The following TRPM3 variants were observed in gnomAD, a reference collection of about 807,000 sequenced individuals.
TRPM3 encodes the protein long transient receptor potential channel 3.
Under a neutral mutation model 181.2 loss-of-function variants are expected in TRPM3, and 77 were observed. The observed-to-expected ratio is 0.42, with a 90% CI of 0.35 to 0.51. TRPM3 has a LOEUF of 0.51. TRPM3 is among the 20% of genes least tolerant of loss of function. TRPM3 has a pLI of 0.01. For missense variants in TRPM3, 1,759 were observed against 2,196.7 expected (o/e 0.80, Z 3.98); for synonymous variants, 745 against 796.4 (o/e 0.94, Z 1.09).
At chr9:71,344,917 T>C (rs1402844825) in intron 1 of TRPM3, among the ~76,000 whole-genome samples, 1 of 151,828 alleles carries the variant, frequency 6.6e-6, no homozygotes, top group Non-Finnish European at 1.5e-5. Context: ...TGGCAAAAGA[T>C]AAAAAGTGGG....
At position 71,015,919 on chromosome 9, in the gene TRPM3, G is replaced by A. The variant is rs190603630; in HGVS notation, c.177+105259C>T. 1.2e-3 allele frequency among the ~76,000 whole-genome samples: 176 copies of A among 151,978 alleles called. 2 individuals are homozygous for A. The highest frequency in any genetic ancestry group is 2.9e-3 in the South Asian group (14 of 4,798). ...AGAGAGGTAAAAAAAATTCTAGGCCGGGCACGGTGGCTTACACCTGTAATC... is the reference window on the plus strand; with the variant it reads ...AGAGAGGTAAAAAAAATTCTAGGCCAGGCACGGTGGCTTACACCTGTAATC... On this transcript the variant is annotated intron_variant, in intron 1 of 25. Transcript: ENST00000677713.
intron 1 of TRPM3, among the ~76,000 whole-genome samples, chr9:71,383,917 T>TC (rs2092865018): frequency 6.6e-6 from 1 of 152,218 alleles, no homozygotes; most frequent in Non-Finnish European, 1.5e-5. Flanking sequence ...AAAGGAATGA[T>TC]CCATTTTGCT....
At chr9:71,201,312 T>C (rs1416991280) in intron 1 of TRPM3, among the ~76,000 whole-genome samples, 5 of 152,174 alleles carry the variant, frequency 3.3e-5, no homozygotes, top group African/African-American at 1.2e-4. Flanking sequence ...TAACATTTTT[T>C]CCTTCATTTC....
chr9:71,191,071 T>C (rs545506289), intron 1 of TRPM3, among the ~76,000 whole-genome samples: 1 of 151,956 alleles, frequency 6.6e-6, no homozygotes, highest in South Asian at 2.1e-4. Context: ...GAGGGAGCCA[T>C]TGTCTTAGAT....
chr9:70,582,183 T>C (rs980326720), intron 22 of TRPM3, among the ~76,000 whole-genome samples: 1 of 26,344 alleles, frequency 3.8e-5, no homozygotes, highest in African/African-American at 9.3e-5. Flanking sequence ...ACCCTGTGCG[T>C]GTGTGTGTGT....
intron 11 of TRPM3, among the ~76,000 whole-genome samples, chr9:70,638,040 G>T (rs967535656): frequency 1.1e-4 from 17 of 152,076 alleles, no homozygotes; most frequent in African/African-American, 4.1e-4. Flanking sequence ...AAAAGAAGTG[G>T]GACCTTTGGG....
At chr9:71,112,059 G>A (rs2071227809) in intron 1 of TRPM3, among the ~76,000 whole-genome samples, 3 of 152,018 alleles carry the variant, frequency 2.0e-5, no homozygotes, top group Non-Finnish European at 2.9e-5. Flanking sequence ...CCTTCAAACG[G>A]AAACACCAAA....
At chr9:70,842,507 T>C (rs2094742892) in intron 5 of TRPM3, among the ~76,000 whole-genome samples, 1 of 152,178 alleles carries the variant, frequency 6.6e-6, no homozygotes, top group East Asian at 1.9e-4. Context: ...AAAAAATTTT[T>C]GTGGCTCAGA....
intron 1 of TRPM3, among the ~76,000 whole-genome samples, chr9:71,378,219 T>G (rs928791218): frequency 6.6e-6 from 1 of 152,134 alleles, no homozygotes; most frequent in Non-Finnish European, 1.5e-5. Flanking sequence ...GGTTTAATTT[T>G]ATTAGTCACC....
At position 70,674,750 on chromosome 9, in the gene TRPM3, G is replaced by C. The variant is rs11142544; in HGVS notation, c.1345+6756C>G. Among the ~76,000 whole-genome samples the C allele has an allele frequency of 1.4e-4, 6 of 42,846 alleles. No individual in the cohort carries two copies. The East Asian group carries it at 3.7e-3, about 27-fold the overall frequency. The allele number at this position is 42,846 out of a possible 152,430, so 28.1% of individuals were successfully genotyped here. ...TTTTTTTTTTTTTTTTTTTTTTTTA[G>C]AGACAAGGTCTCACAATGTTGCCCA... is the stretch of plus-strand genomic sequence containing the variant. On this transcript the variant is annotated intron_variant, in intron 9 of 25. Transcript: ENST00000677713.
In TRPM3 at chr9:70,536,105, C is replaced by A; in HGVS notation, c.5008G>T (p.Asp1670Tyr). ...AHTRKSFSIS[D>Y]KLDRQRNTAS... is the part of the protein sequence containing the mutation. ...GTGTTCCGCTGCCTGTCGAGTTTGTCACTGATGGAGAAGCTCTTCCTGGTG... is the reference window on the plus strand; with the variant it reads ...GTGTTCCGCTGCCTGTCGAGTTTGTAACTGATGGAGAAGCTCTTCCTGGTG... Residue 1670 changes from aspartate to tyrosine, a missense_variant, in exon 26 of 26, where the codon GAC (aspartate) becomes TAC (tyrosine). Physicochemically the swap from Asp to Tyr is radical, Grantham distance 160. Coordinates refer to ENST00000677713, the MANE Select transcript of TRPM3 (RefSeq NM_001366145.2). The A allele has an allele frequency of 6.2e-7, 1 of 1,614,180 alleles. No individual in the cohort carries two copies. Among genetic ancestry groups the A allele is most frequent in the Non-Finnish European group, 8.5e-7 (1 of 1,180,036 alleles).
chr9:70,906,764 G>A (rs550289322), intron 1 of TRPM3, among the ~76,000 whole-genome samples: 34 of 152,190 alleles, frequency 2.2e-4, no homozygotes, highest in African/African-American at 6.0e-4. Flanking sequence ...ATAGCTGGGC[G>A]CGGTGGCAGG....
chr9:70,970,036 G>T (rs1455693393), intron 1 of TRPM3, among the ~76,000 whole-genome samples: 1 of 151,930 alleles, frequency 6.6e-6, no homozygotes, highest in Non-Finnish European at 1.5e-5. Context: ...GCAGCAGAAA[G>T]AACAAGAACT....
At chr9:70,612,585 A>C (rs909261826) in intron 18 of TRPM3, among the ~76,000 whole-genome samples, 15 of 152,226 alleles carry the variant, frequency 9.9e-5, no homozygotes, top group Admixed American at 6.5e-5. Flanking sequence ...ATTTCTGGAG[A>C]AGGTAACTTC....
intron 1 of TRPM3, among the ~76,000 whole-genome samples, chr9:71,187,201 T>C (rs2077729780): frequency 6.6e-6 from 1 of 152,002 alleles, no homozygotes; most frequent in Non-Finnish European, 1.5e-5. Flanking sequence ...TTCATTTAAA[T>C]TAAATTATCC....
intron 1 of TRPM3, among the ~76,000 whole-genome samples, chr9:70,887,633 T>C (rs901572977): frequency 6.6e-6 from 1 of 152,188 alleles, no homozygotes; most frequent in Non-Finnish European, 1.5e-5. Flanking sequence ...CCAGTAGTTA[T>C]GATTCTTCTT....
At chr9:71,061,982 T>C (rs1055162460) in intron 1 of TRPM3, among the ~76,000 whole-genome samples, 3 of 151,942 alleles carry the variant, frequency 2.0e-5, no homozygotes, top group Non-Finnish European at 4.4e-5. Context: ...GAATCAAATC[T>C]TCCCCTTTGA....
rs550189479 is a variant in TRPM3, at chr9:71,274,199, T to G, written c.183+172454A>C. Reference sequence around the variant, plus strand: ...CAGAGGTAGTCCTTGATTTATTATGTCTTGGGACTGACATCTATAGTCTCC... The same window carrying G: ...CAGAGGTAGTCCTTGATTTATTATGGCTTGGGACTGACATCTATAGTCTCC... On this transcript the variant is annotated intron_variant, in intron 1 of 24. Transcript: ENST00000357533. Among the ~76,000 whole-genome samples, 18 of 152,312 alleles carry G rather than the reference T, an allele frequency of 1.2e-4. No homozygotes were observed. The South Asian group carries it at 2.5e-3, about 21-fold the overall frequency.
At chr9:70,538,014 C>G (rs2042227370) in intron 25 of TRPM3, among the ~76,000 whole-genome samples, 1 of 152,166 alleles carries the variant, frequency 6.6e-6, no homozygotes. Context: ...AATGTTGTGT[C>G]TCCAAAGGAA....
Sources: allele counts gnomAD v4.1 joint callset (sites outside exome capture counted in the v4.1 genomes callset), GRCh38; gene constraint gnomAD v4.1.1; transcripts MANE v1.5; gene names NCBI Gene and HGNC (gene_info 2026-07-23, HGNC 2026-07-21).